The following HERC3 variants were observed in gnomAD, a reference collection of about 807,000 sequenced individuals.
HERC3 encodes the protein HECT and RLD domain containing E3 ubiquitin protein ligase 3.
HERC3 carries 58 observed loss-of-function variants against 129.9 expected under a neutral mutation model. The ratio of observed to expected loss-of-function variants is 0.45; its 90% confidence interval spans 0.36 to 0.56. The LOEUF (loss-of-function observed/expected upper bound fraction) is 0.56. Ranked by LOEUF, HERC3 falls within the 20% of genes least tolerant of loss-of-function variation. The pLI, the probability that HERC3 is intolerant of heterozygous loss-of-function variation, is 0.00. For synonymous variants in HERC3, 430 were observed against 451.0 expected, an observed-to-expected ratio of 0.95 and a Z score of 0.59; for missense variants, 835 against 1,244.2, an observed-to-expected ratio of 0.67 and a Z score of 4.95.
Position 88,701,803 on chromosome 4 carries a change from ATT to A in HERC3, c.2658-2279_2658-2278del, listed in dbSNP as rs34857474. ...ATAATAAACATGTATGTTAAAACAG[ATT>A]TTTTTTTTTTTTTTTGAGATAGGGT... On this transcript the variant is annotated intron_variant, in intron 23 of 25. Transcript: ENST00000402738. Among the ~76,000 whole-genome samples, 80 of 140,232 alleles carry A rather than the reference ATT, an allele frequency of 5.7e-4. No homozygotes were observed. The Middle Eastern group carries it at 0.011, about 19-fold the overall frequency. 92.0% of individuals were successfully genotyped at this position (140,232 alleles called of 152,430 possible). A position where few individuals can be genotyped will look rare whatever the true frequency, so the allele number is the denominator to read the frequency against.
At chr4:88,531,802 T>G in the HERC3 span, among the ~76,000 whole-genome samples, 1 of 152,168 alleles carries the variant, frequency 6.6e-6, no homozygotes, top group Non-Finnish European at 1.5e-5. Context: ...GACACAGGAT[T>G]TGCATGGGTT....
At chr4:88,660,257 A>G (rs1341635839) in intron 10 of HERC3, among the ~76,000 whole-genome samples, 1 of 151,758 alleles carries the variant, frequency 6.6e-6, no homozygotes, top group Admixed American at 6.6e-5. Context: ...GCTGGGGTAC[A>G]ATGGCGTGAT....
At chr4:88,664,670 T>C (rs1181851018) in intron 12 of HERC3, among the ~76,000 whole-genome samples, 1 of 152,206 alleles carries the variant, frequency 6.6e-6, no homozygotes, top group Non-Finnish European at 1.5e-5. Context: ...CTAAGATGTG[T>C]CATAATTCTA....
intron 23 of HERC3, among the ~76,000 whole-genome samples, chr4:88,703,229 T>A (rs1735483178): frequency 6.6e-6 from 1 of 152,108 alleles, no homozygotes; most frequent in South Asian, 2.1e-4. Flanking sequence ...CAGCCTCCAA[T>A]CAGAGTGTAC....
the HERC3 span, among the ~76,000 whole-genome samples, chr4:88,537,518 G>C: frequency 6.6e-6 from 1 of 152,098 alleles, no homozygotes; most frequent in South Asian, 2.1e-4. Flanking sequence ...ATTATTACTG[G>C]TTATGCTAAC....
In HERC3 at chr4:88,670,130, C is replaced by A; in HGVS notation, c.1798-9C>A. On this transcript the variant is annotated splice_polypyrimidine_tract_variant and intron_variant, in intron 15 of 25. Transcript: ENST00000402738. ...ATGTTTCAGTTGTCTGTATTTTGTT[C>A]TTCATTAGGTAAATCTTAAAGTGAA... 1 of 1,606,994 alleles carries A rather than the reference C, an allele frequency of 6.2e-7. No homozygotes were observed. Among genetic ancestry groups the A allele is most frequent in the Middle Eastern group, 1.7e-4 (1 of 6,046 alleles).
At chr4:88,547,922 C>G in the HERC3 span, among the ~76,000 whole-genome samples, 3 of 152,194 alleles carry the variant, frequency 2.0e-5, no homozygotes, top group Non-Finnish European at 4.4e-5. Context: ...TCCCAAAGTG[C>G]TGGGATTACA....
At chr4:88,547,064 A>G in the HERC3 span, among the ~76,000 whole-genome samples, 1 of 152,134 alleles carries the variant, frequency 6.6e-6, no homozygotes, top group Non-Finnish European at 1.5e-5. Context: ...TTCATCCTAA[A>G]CTTATATAAT....
At chr4:88,577,250 C>T in the HERC3 span, among the ~76,000 whole-genome samples, 6 of 152,124 alleles carry the variant, frequency 3.9e-5, no homozygotes, top group African/African-American at 1.4e-4. Flanking sequence ...GTACTTCTTA[C>T]CCAAGTTCCA....
chr4:88,568,757 T>A, the HERC3 span, among the ~76,000 whole-genome samples: 1 of 151,944 alleles, frequency 6.6e-6, no homozygotes, highest in Non-Finnish European at 1.5e-5. Context: ...AAGTGCCATC[T>A]GGGAGCTAGT....
rs1731464339 is a variant in HERC3 at position 88,670,180 on chromosome 4, C to T, written c.1839C>T (p.Tyr613=). ...AGCATGTGGAATATGATACATTTTA[C>T]ATTCCTGAGATTTCCAATCTCGTGG... ...KVKHVEYDTF[Y]IPEISNLVDI... The change falls in exon 16 of 26, where the codon TAC becomes TAT. Residue 613 remains tyrosine, a synonymous_variant. Coordinates refer to ENST00000402738, the MANE Select transcript of HERC3 (RefSeq NM_014606.3). 1 of 1,613,342 alleles carries T rather than the reference C, an allele frequency of 6.2e-7. No individual in the cohort carries two copies. The highest frequency in any genetic ancestry group is 1.3e-5 in the African/African-American group (1 of 74,894).
chr4:88,599,800 T>C (rs558626652), intron 2 of HERC3, among the ~76,000 whole-genome samples: 2 of 152,336 alleles, frequency 1.3e-5, no homozygotes, highest in South Asian at 2.1e-4. Flanking sequence ...ACAACTGTTA[T>C]GGAATCTGAT....
intron 11 of HERC3, among the ~76,000 whole-genome samples, chr4:88,662,970 A>G (rs190059612): frequency 1.6e-3 from 234 of 150,740 alleles, no homozygotes; most frequent in African/African-American, 5.5e-3. Context: ...CCTATTCATA[A>G]TGATTGAGAT....
the HERC3 span, among the ~76,000 whole-genome samples, chr4:88,582,290 C>T: frequency 6.6e-6 from 1 of 152,098 alleles, no homozygotes; most frequent in Non-Finnish European, 1.5e-5. Context: ...TAGGTCTGCA[C>T]TTGATGAGTT....
rs780309999 is a variant in HERC3 at position 88,654,373 on chromosome 4, TATATATATATATATAC to T, written c.777+242_777+257del. ...TCATATATATATATATATATATATA[TATATATATATATATAC>T]ACACACACACATAATGTAGATTATA... On this transcript the variant is annotated intron_variant, in intron 7 of 25. Transcript: ENST00000402738. 9.3e-4 allele frequency among the ~76,000 whole-genome samples: 113 copies of T among 121,824 alleles called. 2 individuals are homozygous for T. The highest frequency in any genetic ancestry group is 5.4e-3 in the East Asian group (14 of 2,600). The allele number at this position is 121,824 out of a possible 152,430, so 79.9% of individuals were successfully genotyped here.
At chr4:88,581,090 G>A in the HERC3 span, among the ~76,000 whole-genome samples, 1 of 152,202 alleles carries the variant, frequency 6.6e-6, no homozygotes, top group Admixed American at 6.5e-5. Flanking sequence ...GAGGGAAAGA[G>A]AAAATAGAAA....
Position 88,612,289 on chromosome 4 carries a change from CTGTGTGTGTGTG to C in HERC3, c.226+6267_226+6278del, listed in dbSNP as rs3220740. ...ATTAGCAATACCCTTATGTGACCAA[CTGTGTGTGTGTG>C]TGTGTGTGTGTGTGTGTGTGTGTGT... On this transcript the variant is annotated intron_variant, in intron 3 of 25. Transcript: ENST00000402738. Among the ~76,000 whole-genome samples, 1,336 of 141,696 alleles carry C rather than the reference CTGTGTGTGTGTG, an allele frequency of 9.4e-3. 21 individuals are homozygous for C. The highest frequency in any genetic ancestry group is 0.032 in the African/African-American group (1,242 of 38,462). The allele number at this position is 141,696 out of a possible 152,430, so 93.0% of individuals were successfully genotyped here.
chr4:88,565,421 T>G, the HERC3 span, among the ~76,000 whole-genome samples: 1 of 152,180 alleles, frequency 6.6e-6, no homozygotes, highest in African/African-American at 2.4e-5. Flanking sequence ...TGCACTAGTG[T>G]TGGGTGTATG....
At chr4:88,620,338 A>T (rs940168871) in intron 3 of HERC3, among the ~76,000 whole-genome samples, 11 of 152,196 alleles carry the variant, frequency 7.2e-5, no homozygotes, top group African/African-American at 2.4e-4. Context: ...TAAACCTAAC[A>T]TATTCAAAGC....
Sources: gnomAD v4.1 joint callset for allele counts (sites outside exome capture counted in the v4.1 genomes callset) on GRCh38, gnomAD v4.1.1 for gene constraint, MANE v1.5 for transcripts, NCBI Gene and HGNC (gene_info 2026-07-23, HGNC 2026-07-21) for gene names.